Variants in PPP1R9A observed in about 807,000 individuals in gnomAD.
PPP1R9A encodes protein phosphatase 1 regulatory subunit 9A.
Under a neutral mutation model 141.9 loss-of-function variants are expected in PPP1R9A, and 59 were observed. The ratio of observed to expected loss-of-function variants is 0.42; its 90% CI spans 0.34 to 0.52. The LOEUF is 0.52. Ranked by LOEUF, PPP1R9A falls within the 20% of genes least tolerant of loss-of-function variation. The probability of loss-of-function intolerance (pLI) is 0.10; values close to 1 mark genes in which losing one functional copy is unlikely to be tolerated. For missense variants in PPP1R9A, 1,444 were observed against 1,611.9 expected (o/e 0.90, Z 1.78); for synonymous variants, 500 against 569.7 (o/e 0.88, Z 1.74).
intron 3 of PPP1R9A, among the ~76,000 whole-genome samples, chr7:95,113,966 T>G (rs747406924): frequency 1.2e-4 from 18 of 152,198 alleles, no homozygotes; most frequent in Non-Finnish European, 1.9e-4. Flanking sequence ...GACACTTTCA[T>G]TTGGAGTTAA....
intron 5 of PPP1R9A, among the ~76,000 whole-genome samples, chr7:95,178,695 A>G (rs1382482658): frequency 1.3e-5 from 2 of 152,200 alleles, no homozygotes; most frequent in Non-Finnish European, 2.9e-5. Context: ...AACGGGAGCT[A>G]TTATAACTGA....
At position 95,250,213 on chromosome 7, in the gene PPP1R9A, A is replaced by C; in HGVS notation, c.2354A>C (p.Lys785Thr). ...TQSQYQALEKKYNKAKKLIKD... is the reference protein window; with the variant it reads ...TQSQYQALEKTYNKAKKLIKD... The stretch of plus-strand genomic sequence containing the variant: ...AGCCAGTATCAGGCCTTGGAAAAGA[A>C]ATACAACAAGGCAAAGAAGTTGATC... Residue 785 changes from lysine to threonine, a missense_variant, in exon 10 of 20, where the codon AAA becomes ACA. By Grantham distance (78) the Lys-to-Thr change is moderately conservative. Coordinates refer to ENST00000433360, the MANE Select transcript of PPP1R9A (RefSeq NM_001166160.2). 1 of 1,613,172 alleles carries C rather than the reference A, an allele frequency of 6.2e-7. No homozygotes were observed.
chr7:95,229,212 C>T (rs1795562976), intron 8 of PPP1R9A, among the ~76,000 whole-genome samples: 1 of 151,900 alleles, frequency 6.6e-6, no homozygotes, highest in Non-Finnish European at 1.5e-5. Context: ...ACATTGTGAA[C>T]TTTTGCCCCA....
intron 5 of PPP1R9A, among the ~76,000 whole-genome samples, chr7:95,181,606 T>C (rs1585116546): frequency 7.1e-6 from 1 of 140,530 alleles, no homozygotes; most frequent in Non-Finnish European, 1.5e-5. Context: ...ATATATATTC[T>C]GTCACACATA....
chr7:94,913,747 C>T (rs1277522066), intron 2 of PPP1R9A, among the ~76,000 whole-genome samples: 1 of 151,870 alleles, frequency 6.6e-6, no homozygotes, highest in Non-Finnish European at 1.5e-5. Flanking sequence ...GGTGGTAATA[C>T]CTTATTAGAT....
chr7:95,027,195 A>G (rs1383223148), intron 2 of PPP1R9A, among the ~76,000 whole-genome samples: 1 of 151,996 alleles, frequency 6.6e-6, no homozygotes, highest in Non-Finnish European at 1.5e-5. Context: ...TGTGCTTGAA[A>G]CCCAGGGCCC....
intron 12 of PPP1R9A, among the ~76,000 whole-genome samples, chr7:95,265,339 A>G (rs1204597371): frequency 1.3e-5 from 2 of 152,326 alleles, no homozygotes; most frequent in East Asian, 1.9e-4. Context: ...TCTGTCACAG[A>G]TTAACTGTGT....
intron 5 of PPP1R9A, among the ~76,000 whole-genome samples, chr7:95,179,778 C>CTCACCCTCCT (rs1833451860): frequency 8.3e-5 from 8 of 96,950 alleles, no homozygotes; most frequent in Non-Finnish European, 1.0e-4. Flanking sequence ...ACAATAGCTG[C>CTCACCCTCCT]AAAAAAAAAA....
At chr7:95,084,570 C>T (rs1034268190) in intron 2 of PPP1R9A, among the ~76,000 whole-genome samples, 2 of 151,814 alleles carry the variant, frequency 1.3e-5, no homozygotes, top group African/African-American at 4.9e-5. Context: ...AATATAAAAT[C>T]GTTTTGTAGC....
intron 7 of PPP1R9A, among the ~76,000 whole-genome samples, chr7:95,214,978 T>A (rs900277199): frequency 1.5e-4 from 23 of 152,082 alleles, no homozygotes; most frequent in South Asian, 4.2e-4. Context: ...TCTTTTTTTT[T>A]AATATATATA....
At chr7:95,096,860 C>T (rs545711233) in intron 2 of PPP1R9A, among the ~76,000 whole-genome samples, 10 of 152,212 alleles carry the variant, frequency 6.6e-5, no homozygotes, top group East Asian at 5.8e-4. Context: ...TGTTTGCTCA[C>T]GCTAACCATT....
At chr7:94,978,013 G>A (rs931279227) in intron 2 of PPP1R9A, among the ~76,000 whole-genome samples, 8 of 151,646 alleles carry the variant, frequency 5.3e-5, no homozygotes, top group South Asian at 2.1e-4. Context: ...CACCCGCCTC[G>A]GCCTCCCAAA....
chr7:95,026,135 A>T (rs1417059922), intron 2 of PPP1R9A, among the ~76,000 whole-genome samples: 1 of 152,080 alleles, frequency 6.6e-6, no homozygotes, highest in African/African-American at 2.4e-5. Context: ...AGGAGTTGTG[A>T]TCCTTTGGAG....
chr7:95,164,299 T>G (rs1267964195), intron 5 of PPP1R9A, among the ~76,000 whole-genome samples: 1 of 152,220 alleles, frequency 6.6e-6, no homozygotes, highest in Non-Finnish European at 1.5e-5. Flanking sequence ...ATTGCTTTAA[T>G]TTCCATTTAC....
At chr7:94,992,745 C>G (rs1274784890) in intron 2 of PPP1R9A, among the ~76,000 whole-genome samples, 1 of 151,712 alleles carries the variant, frequency 6.6e-6, no homozygotes, top group East Asian at 1.9e-4. Flanking sequence ...TTTTTATTGC[C>G]TTTTTTTGCA....
At chr7:95,011,872 G>A (rs1804466526) in intron 2 of PPP1R9A, among the ~76,000 whole-genome samples, 1 of 152,158 alleles carries the variant, frequency 6.6e-6, no homozygotes, top group Non-Finnish European at 1.5e-5. Context: ...ACAGTGGACT[G>A]ATGTGCTATG....
rs550395894 is a variant in PPP1R9A at position 95,228,796 on chromosome 7, A to T, written c.2112+2680A>T. Among the ~76,000 whole-genome samples, 10 of 152,282 alleles carry T rather than the reference A, an allele frequency of 6.6e-5. No homozygotes were observed. The South Asian group carries it at 1.7e-3, about 25-fold the overall frequency. ...CGAATCTTTTAATCCAAGTTCATGG[A>T]ATATATTTGTTTAATTCAAGCCTTT... On this transcript the variant is annotated intron_variant, in intron 8 of 19. Coordinates refer to ENST00000433360, the MANE Select transcript of PPP1R9A (RefSeq NM_001166160.2).
intron 4 of PPP1R9A, among the ~76,000 whole-genome samples, chr7:95,137,415 CA>C (rs33928009): frequency 0.027 from 2,435 of 91,466 alleles, 48 homozygotes; most frequent in African/African-American, 0.066. Context: ...GACATGAACT[CA>C]AAAAAAAAAA....
rs1806568120 is a variant in PPP1R9A at position 95,292,967 on chromosome 7, C to G, written c.*2664C>G. The G allele has an allele frequency of 6.6e-6, 1 of 152,152 alleles. No homozygotes were observed. The highest frequency in any genetic ancestry group is 2.1e-4 in the South Asian group (1 of 4,830). The allele number at this position is 152,152 out of a possible 1,614,324, so 9.4% of individuals were successfully genotyped here. On this transcript the variant is annotated 3_prime_UTR_variant, in exon 20 of 20. Coordinates refer to ENST00000433360, the MANE Select transcript of PPP1R9A (RefSeq NM_001166160.2). ...TTTTCAGTGTCCTTACAATTTAACA[C>G]AGAATTGTTATTTCATCAACCTTAA...
Sources: gnomAD v4.1 joint callset for allele counts (sites outside exome capture counted in the v4.1 genomes callset) on GRCh38, gnomAD v4.1.1 for gene constraint, MANE v1.5 for transcripts, NCBI Gene and HGNC (gene_info 2026-07-23, HGNC 2026-07-21) for gene names.